The following MICALL1 variants were observed in gnomAD, a reference collection of about 807,000 sequenced individuals.
MICALL1 encodes the protein MICAL-like protein 1.
A neutral mutation model predicts 83.7 loss-of-function variants in MICALL1; 61 were observed. The observed-to-expected ratio is 0.73, with a 90% CI of 0.59 to 0.90. MICALL1 has a LOEUF of 0.90. Ranked by LOEUF, MICALL1 falls within the 40% of genes least tolerant of loss-of-function variation. The pLI is 0.00. For synonymous variants in MICALL1, 481 were observed against 473.6 expected (o/e 1.02, Z -0.20); for missense variants, 1,066 against 1,152.0 (o/e 0.93, Z 1.08).
At chr22:37,920,448 AT>A in intron 5 of MICALL1, among the ~76,000 whole-genome samples, 1 of 151,976 alleles carries the variant, frequency 6.6e-6, no homozygotes, top group East Asian at 2.0e-4. Flanking sequence ...ACACAGTCAC[AT>A]CTGGCTACCA....
At chr22:37,914,662 G>T (rs1050755720) in intron 3 of MICALL1, among the ~76,000 whole-genome samples, 3 of 150,598 alleles carry the variant, frequency 2.0e-5, no homozygotes, top group Non-Finnish European at 4.4e-5. Context: ...TTGAGACAGG[G>T]TTTTACTCTG....
At chr22:37,933,140 G>T (rs1929893513) in intron 13 of MICALL1, 28 bp downstream of exon 13, 1 of 1,610,676 alleles carries the variant, frequency 6.2e-7, no homozygotes, top group Non-Finnish European at 8.5e-7. Context: ...CACTCCCCTG[G>T]CACCTGCCCT....
intron 1 of MICALL1, chr22:37,907,588 C>G (rs1036076700): frequency 6.6e-6 from 1 of 152,384 alleles, no homozygotes; most frequent in African/African-American, 2.4e-5. Flanking sequence ...AGGGCTCCCC[C>G]AGCCTGGCAG....
At chr22:37,928,125 C>G (rs1394944745) in intron 9 of MICALL1, among the ~76,000 whole-genome samples, 2 of 152,060 alleles carry the variant, frequency 1.3e-5, no homozygotes, top group Non-Finnish European at 2.9e-5. Flanking sequence ...CCAGGATGGT[C>G]TCGATCTCCT....
In MICALL1 at chr22:37,924,536, G is replaced by A. The variant is rs1420933120; in HGVS notation, c.1025-124G>A. Reference sequence around the variant, plus strand: ...ATCTAATCTCCATGGGCTGGCCTGGGGAGGTGCGAGGGTGCCAGGAGGAAG... The same window carrying A: ...ATCTAATCTCCATGGGCTGGCCTGGAGAGGTGCGAGGGTGCCAGGAGGAAG... On this transcript the variant is annotated intron_variant, in intron 6 of 15. Coordinates refer to ENST00000215957, the MANE Select transcript of MICALL1 (RefSeq NM_033386.4). This position sits in a 1 kb window ranked among gnomAD's most constrained non-coding sequence, Gnocchi z 5.2. 4.6e-6 allele frequency: 4 copies of A among 870,330 alleles called. No homozygotes were observed. Among genetic ancestry groups the A allele is most frequent in the East Asian group, 2.7e-5 (1 of 37,536 alleles). The allele number at this position is 870,330 out of a possible 1,614,324, so 53.9% of individuals were successfully genotyped here.
rs746669715 is a variant in MICALL1 at position 37,931,846 on chromosome 22, G to T, written c.1929G>T (p.Ala643=). The stretch of plus-strand genomic sequence containing the variant: ...TTAACCGGAAGCCATCACCTGCAGC[G>T]TCCCCAGCCACAAAGAAGGCCACCA... ...NPFNRKPSPA[A]SPATKKATKG... is the part of the protein sequence containing the mutation. The change falls in exon 10 of 16, where the codon GCG becomes GCT. Residue 643 remains alanine (A), a synonymous_variant. Transcript: ENST00000215957. The T allele has an allele frequency of 4.3e-6, 7 of 1,613,984 alleles. No individual in the cohort carries two copies. In the East Asian group the frequency reaches 6.7e-5, roughly 15 times the overall value.
At position 37,933,019 on chromosome 22, in the gene MICALL1, C is replaced by T; in HGVS notation, c.2235-20C>T. ...GGGCTCGGGCAGAATTGTTAAGAGT[C>T]ACCTTATTCCCACCCCTAGCTTCAA... On this transcript the variant is annotated intron_variant, in intron 12 of 15. Transcript: ENST00000215957. 6.2e-7 allele frequency: 1 copy of T among 1,614,006 alleles called. No homozygotes were observed. Among genetic ancestry groups the T allele is most frequent in the African/African-American group, 1.3e-5 (1 of 75,018 alleles).
At chr22:37,926,159 G>A in intron 8 of MICALL1, 116 bp downstream of exon 8, 1 of 1,306,136 alleles carries the variant, frequency 7.7e-7, no homozygotes, top group Non-Finnish European at 1.0e-6. Context: ...TGTTTCATGG[G>A]TGACTTCTCA....
intron 1 of MICALL1, 53 bp from the exon 2 acceptor site, chr22:37,911,899 A>T: frequency 6.3e-7 from 1 of 1,585,200 alleles, no homozygotes; most frequent in Admixed American, 1.7e-5. Flanking sequence ...CCCCGCCCCT[A>T]TTTCCCAGTC....
chr22:37,922,461 G>C, intron 6 of MICALL1, 35 bp downstream of exon 6: 1 of 1,442,314 alleles, frequency 6.9e-7, no homozygotes. Flanking sequence ...GGGGCACCGG[G>C]TGGCAGTGCA....
chr22:37,937,859 G>A, intron 15 of MICALL1, 67 bp downstream of exon 15: 2 of 1,600,962 alleles, frequency 1.2e-6, no homozygotes, highest in Non-Finnish European at 1.7e-6. Flanking sequence ...GGAAGGGAGG[G>A]ACTGGTTGAA....
At chr22:37,933,517 G>A (rs5756853) in intron 13 of MICALL1, among the ~76,000 whole-genome samples, 55,100 of 151,916 alleles carry the variant, frequency 0.36, 10,071 homozygotes, top group Admixed American at 0.38. Flanking sequence ...AGTGGCTTCA[G>A]GTGTAAGATG....
chr22:37,907,667 C>T (rs1015551210), intron 1 of MICALL1, among the ~76,000 whole-genome samples: 1 of 152,200 alleles, frequency 6.6e-6, no homozygotes, highest in Non-Finnish European at 1.5e-5. Flanking sequence ...GGGAAGGCTT[C>T]TAAGGGATTG....
chr22:37,908,219 G>T (rs1928091192), intron 1 of MICALL1, among the ~76,000 whole-genome samples: 1 of 152,066 alleles, frequency 6.6e-6, no homozygotes, highest in African/African-American at 2.4e-5. Context: ...ACAGCTCACA[G>T]AAATGTGAGG....
chr22:37,938,483 C>T (rs1270761117), intron 15 of MICALL1, among the ~76,000 whole-genome samples: 2 of 149,756 alleles, frequency 1.3e-5, no homozygotes, highest in Non-Finnish European at 3.0e-5. Flanking sequence ...AGACAGAGTC[C>T]CACTCTGTTG....
chr22:37,924,959 C>T lies in MICALL1; in HGVS notation c.1082+242C>T, dbSNP rs1040826334. On this transcript the variant is annotated intron_variant, in intron 7 of 15. Coordinates refer to ENST00000215957, the MANE Select transcript of MICALL1 (RefSeq NM_033386.4). The surrounding 1 kb of genome is among the most constrained non-coding windows in gnomAD (Gnocchi z 5.2). ...CAGTGCCCGGTGCAGGCAGCCACCT[C>T]TGGTACCCGTTGCCTCTCCAGGCTC... 6.6e-6 allele frequency among the ~76,000 whole-genome samples: 1 copy of T among 152,192 alleles called. No homozygotes were observed. Among genetic ancestry groups the T allele is most frequent in the Non-Finnish European group, 1.5e-5 (1 of 68,020 alleles).
At chr22:37,928,656 T>A (rs1929626048) in intron 9 of MICALL1, among the ~76,000 whole-genome samples, 1 of 152,178 alleles carries the variant, frequency 6.6e-6, no homozygotes, top group South Asian at 2.1e-4. Context: ...TCTATCCACC[T>A]GTCCACAAAC....
chr22:37,912,242 C>A, intron 2 of MICALL1, 109 bp from the exon 3 acceptor site: 1 of 1,369,246 alleles, frequency 7.3e-7, no homozygotes. Flanking sequence ...AGCCCACAGT[C>A]ACCCCATCCC....
intron 4 of MICALL1, among the ~76,000 whole-genome samples, chr22:37,918,809 G>C (rs1400406892): frequency 6.6e-6 from 1 of 152,242 alleles, no homozygotes; most frequent in Non-Finnish European, 1.5e-5. Context: ...CAGTGACCTT[G>C]AACAAGGCTT....
Sources: allele counts gnomAD v4.1 joint callset (sites outside exome capture counted in the v4.1 genomes callset), GRCh38; gene constraint gnomAD v4.1.1; non-coding constraint Gnocchi (gnomAD v3.1); transcripts MANE v1.5; gene names NCBI Gene and HGNC (gene_info 2026-07-23, HGNC 2026-07-21).